The following SYCP3 variants were observed in gnomAD, a reference collection of about 807,000 sequenced individuals.
SYCP3 encodes the protein synaptonemal complex protein 3.
Under a neutral mutation model 38.5 loss-of-function variants are expected in SYCP3, and 29 were observed. The ratio of observed to expected loss-of-function variants is 0.75; its 90% confidence interval spans 0.56 to 1.03. The LOEUF (loss-of-function observed/expected upper bound fraction) is 1.03, where lower values mean the gene tolerates loss of function less well. Among genes scored for constraint, SYCP3 ranks in the 50% least tolerant of loss-of-function variants. The pLI, the probability that SYCP3 is intolerant of heterozygous loss-of-function variation, is 0.00. For missense variants in SYCP3, 242 were observed against 270.7 expected (o/e 0.89, Z 0.74); for synonymous variants, 79 against 80.3 (o/e 0.98, Z 0.08).
At chr12:101,731,516 A>G (rs1594165214) in intron 7 of SYCP3, 52 bp downstream of exon 7, 1 of 1,251,912 alleles carries the variant, frequency 8.0e-7, no homozygotes, top group Non-Finnish European at 1.1e-6. Context: ...TTCTACTTCC[A>G]TAAATATATT....
At chr12:101,735,871 A>ATATATATATATATATATATTTT in intron 4 of SYCP3, among the ~76,000 whole-genome samples, 6 of 74,748 alleles carry the variant, frequency 8.0e-5, no homozygotes, top group Admixed American at 2.7e-4. Context: ...ATATATATAT[A>ATATATATATATATATATATTTT]TTTTTTTTTT....
chr12:101,737,744 A>G (rs188556462), intron 2 of SYCP3, 59 bp downstream of exon 2: 315 of 1,610,232 alleles, frequency 2.0e-4, no homozygotes, highest in Non-Finnish European at 3.0e-5. Context: ...CGATAGTCTC[A>G]ATGGGTTCAA....
intron 4 of SYCP3, among the ~76,000 whole-genome samples, chr12:101,736,057 GA>G (rs1177176941): frequency 6.7e-6 from 1 of 150,162 alleles, no homozygotes; most frequent in Non-Finnish European, 1.5e-5. Context: ...ACCAAGGACA[GA>G]AAAAAATCTT....
chr12:101,732,372 A>G (rs867185642), intron 6 of SYCP3: 8 of 152,152 alleles, frequency 5.3e-5, no homozygotes, highest in South Asian at 2.1e-4. Context: ...CCTACCCCCA[A>G]TATCCTCACT....
chr12:101,728,954 C>G lies in SYCP3; in HGVS notation c.684G>C (p.Arg228=), dbSNP rs375690461. 2 of 1,613,484 alleles carry G rather than the reference C, an allele frequency of 1.2e-6. No homozygotes were observed. Among genetic ancestry groups the G allele is most frequent in the Non-Finnish European group, 8.5e-7 (1 of 1,179,686 alleles). ...ETQQQEIASV[R]KSLQSMLF ...AGAATAACATGGATTGAAGAGACTT[C>G]CGAACACTTGCTATCTCTTGCTGCT... Residue 228 remains arginine (R), a synonymous_variant, in exon 9 of 9, where the codon CGG becomes CGC. Coordinates refer to ENST00000392924, the MANE Select transcript of SYCP3 (RefSeq NM_001177949.2).
At position 101,737,594 on chromosome 12, in the gene SYCP3, T is replaced by TTCTGTAACAGTA. The variant is rs1338473034; in HGVS notation, c.133+208_133+209insTACTGTTACAGA. 10 of 706,810 alleles carry TTCTGTAACAGTA rather than the reference T, an allele frequency of 1.4e-5. No individual in the cohort carries two copies. The African/African-American group carries it at 1.8e-4, about 13-fold the overall frequency. The allele number at this position is 706,810 out of a possible 1,614,324, so 43.8% of individuals were successfully genotyped here. A position where few individuals can be genotyped will look rare whatever the true frequency, so the allele number is the denominator to read the frequency against. ...CAAAAGCAAGAGTTGCCGAATAAGC[T>TTCTGTAACAGTA]TCTGTAACTCCGATACTGCAATATA... is the stretch of plus-strand genomic sequence containing the variant. On this transcript the variant is annotated intron_variant, in intron 2 of 8. Transcript: ENST00000392924.
chr12:101,738,934 T>C (rs1952592895), intron 1 of SYCP3, among the ~76,000 whole-genome samples: 1 of 152,220 alleles, frequency 6.6e-6, no homozygotes, highest in Non-Finnish European at 1.5e-5. Flanking sequence ...GACATGAGGA[T>C]GCCAGAAATA....
chr12:101,736,710 G>A (rs1594180423), intron 4 of SYCP3, among the ~76,000 whole-genome samples: 1 of 22,040 alleles, frequency 4.5e-5, no homozygotes, highest in Non-Finnish European at 7.7e-5. Flanking sequence ...GTATGTATAT[G>A]TGTGTGTGTG....
At chr12:101,729,242 C>A (rs1046852083) in intron 7 of SYCP3, 29 bp from the exon 8 acceptor site, 1 of 1,603,610 alleles carries the variant, frequency 6.2e-7, no homozygotes, top group Admixed American at 1.7e-5. Context: ...AGTTAAGTTA[C>A]AAAGGACCAC....
chr12:101,729,063 T>C, intron 8 of SYCP3, 46 bp downstream of exon 8: 3 of 1,607,374 alleles, frequency 1.9e-6, no homozygotes, highest in Non-Finnish European at 1.7e-6. Flanking sequence ...AATATTTCAT[T>C]GCTTATATTA....
At chr12:101,736,858 A>G (rs1011188090) in intron 4 of SYCP3, among the ~76,000 whole-genome samples, 179 bp downstream of exon 4, 1 of 152,154 alleles carries the variant, frequency 6.6e-6, no homozygotes, top group Non-Finnish European at 1.5e-5. Context: ...TCTTAACATC[A>G]TGGAAAAGAT....
chr12:101,731,837 T>C, intron 6 of SYCP3, 171 bp from the exon 7 acceptor site: 1 of 474,242 alleles, frequency 2.1e-6, no homozygotes, highest in Non-Finnish European at 3.7e-6. Context: ...CACTAATATG[T>C]AACAATATAT....
chr12:101,735,849 T>A (rs1008330278), intron 4 of SYCP3, among the ~76,000 whole-genome samples: 24 of 97,052 alleles, frequency 2.5e-4, no homozygotes, highest in African/African-American at 1.1e-3. Flanking sequence ...ATATAATCAA[T>A]TTTATATATA....
chr12:101,728,662 CTTTA>C lies in SYCP3; in HGVS notation c.*261_*264del, dbSNP rs1396189970. 4 of 429,040 alleles carry C rather than the reference CTTTA, an allele frequency of 9.3e-6. No homozygotes were observed. Among genetic ancestry groups the C allele is most frequent in the Non-Finnish European group, 1.6e-5 (4 of 244,476 alleles). The allele number at this position is 429,040 out of a possible 1,614,324, so 26.6% of individuals were successfully genotyped here. ...GAAGCCAAACCTAAAATTAAATCGT[CTTTA>C]TTTAATTGACAGTGTTAGAGAGAAA... On this transcript the variant is annotated 3_prime_UTR_variant, in exon 9 of 9. Coordinates refer to ENST00000392924, the MANE Select transcript of SYCP3 (RefSeq NM_001177949.2).
In SYCP3 at chr12:101,735,869, A is replaced by ATTTTTTTTTTT. The variant is rs1333301972; in HGVS notation, c.236-826_236-825insAAAAAAAAAAA. ...ATCAATTTTATATATATATATATAT[A>ATTTTTTTTTTT]TATTTTTTTTTTTTTAAAGACACGG... On this transcript the variant is annotated intron_variant, in intron 4 of 8. Coordinates refer to ENST00000392924, the MANE Select transcript of SYCP3 (RefSeq NM_001177949.2). 1.3e-4 allele frequency among the ~76,000 whole-genome samples: 8 copies of ATTTTTTTTTTT among 60,112 alleles called. No homozygotes were observed. In the South Asian group the frequency reaches 2.2e-3, roughly 16 times the overall value. 39.4% of individuals were successfully genotyped at this position (60,112 alleles called of 152,430 possible). A position where few individuals can be genotyped will look rare whatever the true frequency, so the allele number is the denominator to read the frequency against.
chr12:101,733,179 G>T, intron 6 of SYCP3: 1 of 200,644 alleles, frequency 5.0e-6, no homozygotes, highest in Non-Finnish European at 1.0e-5. Flanking sequence ...ATAAGCCTAG[G>T]ACTGTAAAAA....
At chr12:101,735,463 C>A (rs1952366347) in intron 4 of SYCP3, among the ~76,000 whole-genome samples, 1 of 152,024 alleles carries the variant, frequency 6.6e-6, no homozygotes, top group Non-Finnish European at 1.5e-5. Context: ...AAGATCGAGA[C>A]CATCCTGACC....
chr12:101,738,909 T>C (rs1222166820), intron 1 of SYCP3, among the ~76,000 whole-genome samples: 3 of 152,218 alleles, frequency 2.0e-5, no homozygotes, highest in Non-Finnish European at 2.9e-5. Context: ...GAAATTATAG[T>C]TGCTGGCGGG....
chr12:101,739,179 C>A, intron 1 of SYCP3, 172 bp downstream of exon 1: 3 of 683,490 alleles, frequency 4.4e-6, no homozygotes, highest in Non-Finnish European at 5.4e-6. Flanking sequence ...CAGCCCAGCC[C>A]GCCCGCTTTC....
Sources: allele counts gnomAD v4.1 joint callset (sites outside exome capture counted in the v4.1 genomes callset), GRCh38; gene constraint gnomAD v4.1.1; transcripts MANE v1.5; gene names NCBI Gene and HGNC (gene_info 2026-07-23, HGNC 2026-07-21).